The following KLHL29 variants were observed in gnomAD, a reference collection of about 807,000 sequenced individuals.
KLHL29 encodes kelch-like protein 29.
KLHL29 carries 21 observed loss-of-function variants against 80.4 expected under a neutral mutation model. The observed-to-expected ratio is 0.26, with a 90% CI of 0.19 to 0.38. The LOEUF (loss-of-function observed/expected upper bound fraction) is 0.38. KLHL29 is among the 10% of genes least tolerant of loss of function. KLHL29 has a pLI of 1.00. For synonymous variants in KLHL29, 511 were observed against 526.8 expected (o/e 0.97, Z 0.41); for missense variants, 867 against 1,223.9 (o/e 0.71, Z 4.35).
At position 23,707,740 on chromosome 2, in the gene KLHL29, A is replaced by G. The variant is rs2149236037; in HGVS notation, c.*1076A>G. On this transcript the variant is annotated 3_prime_UTR_variant, in exon 14 of 14. Transcript: ENST00000486442. ...TAGCGTCTATAAAGCACAGGAGACTATTTTTGATATTCATAGCTATATATT... is the reference window on the plus strand; with the variant it reads ...TAGCGTCTATAAAGCACAGGAGACTGTTTTTGATATTCATAGCTATATATT... The G allele has an allele frequency of 6.6e-6, 1 of 152,288 alleles. No individual in the cohort carries two copies. The highest frequency in any genetic ancestry group is 2.1e-4 in the South Asian group (1 of 4,824). The allele number at this position is 152,288 out of a possible 1,614,324, so 9.4% of individuals were successfully genotyped here.
intron 2 of KLHL29, among the ~76,000 whole-genome samples, chr2:23,509,019 C>T (rs1326180755): frequency 6.6e-6 from 1 of 152,200 alleles, no homozygotes; most frequent in Non-Finnish European, 1.5e-5. Flanking sequence ...TACCTATGTA[C>T]CTCCGTCATG....
intron 1 of KLHL29, among the ~76,000 whole-genome samples, chr2:23,428,250 A>T (rs1006004519): frequency 6.6e-6 from 1 of 152,124 alleles, no homozygotes; most frequent in Non-Finnish European, 1.5e-5. Context: ...AATGTAGGGG[A>T]GCTGAGTCAC....
chr2:23,622,692 A>C (rs1256307553), intron 3 of KLHL29, among the ~76,000 whole-genome samples: 1 of 152,156 alleles, frequency 6.6e-6, no homozygotes, highest in Non-Finnish European at 1.5e-5. Context: ...TCATCCCTGC[A>C]CTTGGGGGCC....
intron 2 of KLHL29, among the ~76,000 whole-genome samples, chr2:23,480,986 G>A (rs116334308): frequency 6.6e-6 from 1 of 152,142 alleles, no homozygotes; most frequent in South Asian, 2.1e-4. Flanking sequence ...ACTGTCATAG[G>A]ATCTCATGGA....
intron 3 of KLHL29, among the ~76,000 whole-genome samples, chr2:23,573,905 G>T (rs899464133): frequency 6.6e-6 from 1 of 152,196 alleles, no homozygotes; most frequent in African/African-American, 2.4e-5. Context: ...CCCGCTTTCA[G>T]AGGTGTTGGC....
At chr2:23,590,227 C>G (rs989724121) in intron 3 of KLHL29, among the ~76,000 whole-genome samples, 1 of 152,262 alleles carries the variant, frequency 6.6e-6, no homozygotes, top group African/African-American at 2.4e-5. Context: ...CTCTGATACT[C>G]TCTCTGCCCT....
chr2:23,450,781 G>A (rs905973063), intron 1 of KLHL29, among the ~76,000 whole-genome samples: 1 of 152,028 alleles, frequency 6.6e-6, no homozygotes, highest in African/African-American at 2.4e-5. Flanking sequence ...CCCATTTAAG[G>A]TATACAATTC....
chr2:23,610,152 T>C (rs1184541825), intron 3 of KLHL29, among the ~76,000 whole-genome samples: 4 of 152,080 alleles, frequency 2.6e-5, no homozygotes, highest in African/African-American at 9.7e-5. Context: ...ATAAAGCCTT[T>C]CAACTGGATG....
rs536581217 is a variant in KLHL29, at chr2:23,492,374, C to T, written c.-46+16707C>T. 1.1e-3 allele frequency among the ~76,000 whole-genome samples: 172 copies of T among 152,334 alleles called. 1 individual carries two copies. Among genetic ancestry groups the T allele is most frequent in the African/African-American group, 3.8e-3 (160 of 41,578 alleles). ...CCTGATCTGTTAGACCGGTTTGGGG[C>T]TGCTGGTCTTCTTCACCCCCGCTTC... On this transcript the variant is annotated intron_variant, in intron 2 of 13. Coordinates refer to ENST00000486442, the MANE Select transcript of KLHL29 (RefSeq NM_052920.2).
At chr2:23,452,013 T>A (rs968425247) in intron 1 of KLHL29, among the ~76,000 whole-genome samples, 9 of 151,840 alleles carry the variant, frequency 5.9e-5, no homozygotes, top group Non-Finnish European at 1.2e-4. Context: ...GGTGCCACTC[T>A]TATTTTTATT....
intron 1 of KLHL29, among the ~76,000 whole-genome samples, chr2:23,472,280 G>A (rs1664513953): frequency 6.6e-6 from 1 of 152,128 alleles, no homozygotes; most frequent in South Asian, 2.1e-4. Flanking sequence ...AAAGATGTCG[G>A]GAAGCAGGTG....
At chr2:23,638,187 A>C (rs1425662875) in intron 3 of KLHL29, among the ~76,000 whole-genome samples, 2 of 151,306 alleles carry the variant, frequency 1.3e-5, no homozygotes, top group Admixed American at 1.3e-4. Flanking sequence ...CATTTTGGTC[A>C]TTTCCCTCCT....
chr2:23,533,008 G>A (rs757760554), intron 2 of KLHL29, among the ~76,000 whole-genome samples: 4 of 152,308 alleles, frequency 2.6e-5, no homozygotes, highest in Admixed American at 6.5e-5. Context: ...AGGCCCCCAA[G>A]CTGAGGAGCA....
chr2:23,524,378 GTC>G, intron 2 of KLHL29: 5 of 169,300 alleles, frequency 3.0e-5, no homozygotes, highest in South Asian at 2.9e-4. Context: ...ATACCTTTAG[GTC>G]CTGCCCCGGG....
At chr2:23,455,737 G>A (rs980825064) in intron 1 of KLHL29, among the ~76,000 whole-genome samples, 3 of 150,486 alleles carry the variant, frequency 2.0e-5, no homozygotes, top group South Asian at 2.1e-4. Flanking sequence ...TCAGCCTCCC[G>A]AGTAGAGTCT....
At chr2:23,407,220 G>C (rs752326389) in intron 1 of KLHL29, among the ~76,000 whole-genome samples, 102 of 152,248 alleles carry the variant, frequency 6.7e-4, no homozygotes, top group Non-Finnish European at 1.3e-3. Context: ...TGGACATTTT[G>C]GGTTACTTCT....
At chr2:23,403,556 T>C (rs1666645336) in intron 1 of KLHL29, among the ~76,000 whole-genome samples, 1 of 152,150 alleles carries the variant, frequency 6.6e-6, no homozygotes, top group Non-Finnish European at 1.5e-5. Flanking sequence ...CAAATAACTG[T>C]GCCCCCAAGT....
intron 2 of KLHL29, among the ~76,000 whole-genome samples, chr2:23,489,819 C>T (rs1000855437): frequency 9.2e-5 from 14 of 152,124 alleles, no homozygotes; most frequent in African/African-American, 3.1e-4. Flanking sequence ...GTGGGGTGGG[C>T]GGTACCCACA....
In KLHL29 at chr2:23,449,901, C is replaced by T. The variant is rs573660397; in HGVS notation, c.-153-25659C>T. Among the ~76,000 whole-genome samples the T allele has an allele frequency of 2.6e-4, 40 of 152,272 alleles. No homozygotes were observed. In the East Asian group the frequency reaches 4.8e-3, roughly 18 times the overall value. ...AATTCAGCACCCAGGGGCTATCTAG[C>T]GAGGCTCTGCCTAAATGAAATCATC... On this transcript the variant is annotated intron_variant, in intron 1 of 13. Transcript: ENST00000486442.
Sources: gnomAD v4.1 joint callset for allele counts (sites outside exome capture counted in the v4.1 genomes callset) on GRCh38, gnomAD v4.1.1 for gene constraint, MANE v1.5 for transcripts, NCBI Gene and HGNC (gene_info 2026-07-23, HGNC 2026-07-21) for gene names.